The following TBC1D12 variants were observed in gnomAD, a reference collection of about 807,000 sequenced individuals.
TBC1D12 encodes TBC1 domain family member 12.
In TBC1D12, 56 loss-of-function variants were observed where a neutral mutation model predicts 86.7. The observed-to-expected ratio is 0.65, with a 90% CI of 0.52 to 0.81. The LOEUF (loss-of-function observed/expected upper bound fraction) is 0.81, where lower values mean the gene tolerates loss of function less well. Ranked by LOEUF, TBC1D12 falls within the 30% of genes least tolerant of loss-of-function variation. The pLI, the probability that TBC1D12 is intolerant of heterozygous loss-of-function variation, is 0.00. For synonymous variants in TBC1D12, 421 were observed against 411.7 expected (o/e 1.02, Z -0.27); for missense variants, 1,023 against 1,038.8 (o/e 0.98, Z 0.21).
At position 94,500,264 on chromosome 10, in the gene TBC1D12, C is replaced by G. The variant is rs766690786; in HGVS notation, c.1456C>G (p.Pro486Ala). ...TCGAGAATTGTGGTGGCAGGGATTG[C>G]CCCCTAGTGTCCGTGGGAAAGTTTG... ...RVRELWWQGL[P>A]PSVRGKVWSL... Residue 486 changes from proline (P) to alanine (A), a missense_variant, in exon 6 of 13, where the codon CCC becomes GCC. This residue lies in a region of TBC1D12 where 395 missense variants were observed against 507.7 expected (regional missense o/e 0.78). Coordinates refer to ENST00000225235, the MANE Select transcript of TBC1D12 (RefSeq NM_015188.2). 1 of 1,613,920 alleles carries G rather than the reference C, an allele frequency of 6.2e-7. No homozygotes were observed. Among genetic ancestry groups the G allele is most frequent in the East Asian group, 2.2e-5 (1 of 44,856 alleles).
At chr10:94,410,363 C>T (rs1017984404) in intron 1 of TBC1D12, among the ~76,000 whole-genome samples, 1 of 152,174 alleles carries the variant, frequency 6.6e-6, no homozygotes, top group African/African-American at 2.4e-5. Flanking sequence ...CTTAGTTCTA[C>T]ATAATTTCAC....
intron 6 of TBC1D12, among the ~76,000 whole-genome samples, chr10:94,503,448 A>G (rs2056424169): frequency 6.6e-6 from 1 of 152,200 alleles, no homozygotes; most frequent in African/African-American, 2.4e-5. Context: ...TTCTACAAAA[A>G]TGTTCATTGC....
Position 94,402,647 on chromosome 10 carries a change from G to A in TBC1D12, c.34G>A (p.Gly12Arg). 1 of 1,611,728 alleles carries A rather than the reference G, an allele frequency of 6.2e-7. No homozygotes were observed. The highest frequency in any genetic ancestry group is 8.5e-7 in the Non-Finnish European group (1 of 1,179,588). Residue 12 changes from glycine (G) to arginine (R), a missense_variant, in exon 1 of 13, where the codon GGA becomes AGA. Coordinates refer to ENST00000225235, the MANE Select transcript of TBC1D12 (RefSeq NM_015188.2). ...VGPEDAGACSGRNPKLLPVPA... is the reference protein window; with the variant it reads ...VGPEDAGACSRRNPKLLPVPA... Reference sequence around the variant, plus strand: ...TCCGGAGGATGCCGGAGCCTGCTCGGGAAGAAACCCCAAGTTGCTCCCGGT... The same window carrying A: ...TCCGGAGGATGCCGGAGCCTGCTCGAGAAGAAACCCCAAGTTGCTCCCGGT...
chr10:94,439,454 A>G (rs2055349327), intron 1 of TBC1D12, among the ~76,000 whole-genome samples: 1 of 152,186 alleles, frequency 6.6e-6, no homozygotes, highest in Admixed American at 6.5e-5. Flanking sequence ...TGTTGCTGGC[A>G]GGAAGCCTTT....
chr10:94,516,468 G>C (rs1385602027), intron 9 of TBC1D12, among the ~76,000 whole-genome samples: 2 of 151,896 alleles, frequency 1.3e-5, no homozygotes, highest in Non-Finnish European at 2.9e-5. Flanking sequence ...TGCACAACGT[G>C]CAGGTTTGTT....
At chr10:94,524,566 C>G (rs1227755021) in intron 11 of TBC1D12, among the ~76,000 whole-genome samples, 1 of 151,734 alleles carries the variant, frequency 6.6e-6, no homozygotes, top group Non-Finnish European at 1.5e-5. Flanking sequence ...TGGTGAAACC[C>G]GATTTCTACT....
At chr10:94,445,975 A>G (rs1266259107) in intron 2 of TBC1D12, among the ~76,000 whole-genome samples, 2 of 151,858 alleles carry the variant, frequency 1.3e-5, no homozygotes, top group African/African-American at 2.4e-5. Context: ...TACTTTTACC[A>G]TGTGATGGAA....
chr10:94,510,038 G>T, intron 7 of TBC1D12, 53 bp from the exon 8 acceptor site: 1 of 1,261,972 alleles, frequency 7.9e-7, no homozygotes, highest in South Asian at 1.3e-5. Context: ...TTATAAAATT[G>T]GACTTGTTAG....
At chr10:94,412,812 C>G (rs1216976082) in intron 1 of TBC1D12, among the ~76,000 whole-genome samples, 1 of 152,196 alleles carries the variant, frequency 6.6e-6, no homozygotes, top group Non-Finnish European at 1.5e-5. Context: ...GTTAGCTACA[C>G]TATGAGTTAT....
intron 1 of TBC1D12, among the ~76,000 whole-genome samples, chr10:94,405,479 T>C (rs2054841539): frequency 6.6e-6 from 1 of 152,338 alleles, no homozygotes; most frequent in Admixed American, 6.5e-5. Flanking sequence ...TGTAATATAG[T>C]TGCAAAAATA....
At chr10:94,465,708 G>A (rs1011638438) in intron 2 of TBC1D12, among the ~76,000 whole-genome samples, 19 of 108,558 alleles carry the variant, frequency 1.8e-4, no homozygotes, top group Non-Finnish European at 3.0e-4. Flanking sequence ...ACATATATAC[G>A]TATACGTATA....
intron 3 of TBC1D12, among the ~76,000 whole-genome samples, chr10:94,487,694 C>CTT (rs35682157): frequency 2.6e-3 from 330 of 127,302 alleles, no homozygotes; most frequent in Middle Eastern, 9.7e-3. Flanking sequence ...TGTTGTTTCT[C>CTT]TTTTTTTTTT....
chr10:94,432,760 C>A (rs1186052188), intron 1 of TBC1D12, among the ~76,000 whole-genome samples: 1 of 148,544 alleles, frequency 6.7e-6, no homozygotes, highest in Non-Finnish European at 1.5e-5. Context: ...ATAATTAGAA[C>A]CAGGCTTTTT....
intron 4 of TBC1D12, among the ~76,000 whole-genome samples, chr10:94,493,864 A>C (rs2056279921): frequency 6.6e-6 from 1 of 152,124 alleles, no homozygotes; most frequent in African/African-American, 2.4e-5. Flanking sequence ...ACTTTTACAG[A>C]ATAGGAGGAA....
chr10:94,444,038 G>C (rs1398245126), intron 2 of TBC1D12, among the ~76,000 whole-genome samples: 1 of 152,028 alleles, frequency 6.6e-6, no homozygotes, highest in Admixed American at 6.6e-5. Flanking sequence ...AGGCATGGTG[G>C]TGCATGCTTA....
chr10:94,403,825 C>T (rs573726552), intron 1 of TBC1D12, among the ~76,000 whole-genome samples: 14 of 152,304 alleles, frequency 9.2e-5, no homozygotes, highest in African/African-American at 3.4e-4. Context: ...CTTTCTGTTG[C>T]CTTGTCCGCG....
chr10:94,468,423 C>T (rs775704479), intron 2 of TBC1D12, among the ~76,000 whole-genome samples: 1 of 152,146 alleles, frequency 6.6e-6, no homozygotes, highest in African/African-American at 2.4e-5. Flanking sequence ...TTTGCTTTCA[C>T]TTATGAAAGA....
At chr10:94,477,436 G>A (rs1180953004) in intron 3 of TBC1D12, among the ~76,000 whole-genome samples, 1 of 152,216 alleles carries the variant, frequency 6.6e-6, no homozygotes, top group African/African-American at 2.4e-5. Context: ...GAGAACAGAA[G>A]AGAATGAAAC....
intron 11 of TBC1D12, among the ~76,000 whole-genome samples, chr10:94,527,367 G>A (rs774050637): frequency 6.6e-6 from 1 of 151,534 alleles, no homozygotes; most frequent in African/African-American, 2.4e-5. Flanking sequence ...GGGATTACAG[G>A]CATGAGCCAT....
Sources: allele counts gnomAD v4.1 joint callset (sites outside exome capture counted in the v4.1 genomes callset), GRCh38; gene constraint gnomAD v4.1.1; regional missense constraint gnomAD v4.1.1; transcripts MANE v1.5; gene names NCBI Gene and HGNC (gene_info 2026-07-23, HGNC 2026-07-21).